PLAG1: variants seen among roughly 807,000 people sequenced by gnomAD.
The protein encoded by PLAG1 is zinc finger protein PLAG1.
A neutral mutation model predicts 35.5 loss-of-function variants in PLAG1; 7 were observed. That is an observed-to-expected ratio of 0.20 (90% CI 0.11 to 0.37). PLAG1 has a LOEUF of 0.37. Among genes scored for constraint, PLAG1 ranks in the 10% least tolerant of loss-of-function variants. The pLI, the probability that PLAG1 is intolerant of heterozygous loss-of-function variation, is 1.00. For missense variants in PLAG1, 454 were observed against 602.8 expected (o/e 0.75, Z 2.58); for synonymous variants, 229 against 225.4 (o/e 1.02, Z -0.14).
chr8:56,189,812 A>G (rs926755522), intron 1 of PLAG1, among the ~76,000 whole-genome samples: 1 of 152,188 alleles, frequency 6.6e-6, no homozygotes. Context: ...AGTGCGTCCC[A>G]GTCGGGGGAG....
At chr8:56,208,193 G>GT (rs1277134081) in intron 1 of PLAG1, among the ~76,000 whole-genome samples, 2 of 152,080 alleles carry the variant, frequency 1.3e-5, no homozygotes, top group Admixed American at 1.3e-4. Flanking sequence ...TATAGTCAAT[G>GT]TAACTGTCTT....
In PLAG1 at chr8:56,162,830, A is replaced by G. The variant is rs1244643552; in HGVS notation, c.*3413T>C. On this transcript the variant is annotated 3_prime_UTR_variant, in exon 5 of 5. Coordinates refer to ENST00000316981, the MANE Select transcript of PLAG1 (RefSeq NM_002655.3). ...CCGCTACTGTCCAAATTAACACAATATATCACTATATTCCACAAATGACTA... is the reference window on the plus strand; with the variant it reads ...CCGCTACTGTCCAAATTAACACAATGTATCACTATATTCCACAAATGACTA... The G allele has an allele frequency of 4.6e-6, 1 of 215,170 alleles. No individual in the cohort carries two copies. The allele number at this position is 215,170 out of a possible 1,614,324, so 13.3% of individuals were successfully genotyped here.
At chr8:56,176,473 CAATGG>C (rs1811699520) in intron 2 of PLAG1, among the ~76,000 whole-genome samples, 2 of 151,970 alleles carry the variant, frequency 1.3e-5, no homozygotes, top group African/African-American at 4.8e-5. Flanking sequence ...CTTAAAAATA[CAATGG>C]GTGGTACAAC....
Position 56,163,921 on chromosome 8 carries a change from GCT to G in PLAG1, c.*2320_*2321del, listed in dbSNP as rs1224270430. 1.2e-4 allele frequency: 22 copies of G among 182,794 alleles called. No individual in the cohort carries two copies. The highest frequency in any genetic ancestry group is 9.4e-4 in the Admixed American group (15 of 15,906). 11.3% of individuals were successfully genotyped at this position (182,794 alleles called of 1,614,324 possible). A position where few individuals can be genotyped will look rare whatever the true frequency, so the allele number is the denominator to read the frequency against. On this transcript the variant is annotated 3_prime_UTR_variant, in exon 5 of 5. Transcript: ENST00000316981. ...ATTTAAAAATAGGTTTTCTATTTGT[GCT>G]CTGTCACCAATTTTTTTCCTTTTAT... is the stretch of plus-strand genomic sequence containing the variant.
chr8:56,166,920 C>G lies in PLAG1; in HGVS notation c.826G>C (p.Glu276Gln), dbSNP rs765071996. ...LLPVMSLPSSELLSKPFTNTL... is the reference protein window; with the variant it reads ...LLPVMSLPSSQLLSKPFTNTL... ...TTTGTGAATGGCTTTGATAACAGTTCACTGGAAGGTAAGGACATCACCGGA... is the reference window on the plus strand; with the variant it reads ...TTTGTGAATGGCTTTGATAACAGTTGACTGGAAGGTAAGGACATCACCGGA... The change falls in exon 5 of 5, where the codon GAA (glutamate) becomes CAA (glutamine). Residue 276 changes from glutamate (E) to glutamine (Q), a missense_variant. By Grantham distance (29) the Glu-to-Gln change is conservative. Transcript: ENST00000316981. The G allele has an allele frequency of 6.2e-7, 1 of 1,614,052 alleles. No homozygotes were observed. The highest frequency in any genetic ancestry group is 2.2e-5 in the East Asian group (1 of 44,874).
chr8:56,165,673 C>T lies in PLAG1; in HGVS notation c.*570G>A. On this transcript the variant is annotated 3_prime_UTR_variant, in exon 5 of 5. Coordinates refer to ENST00000316981, the MANE Select transcript of PLAG1 (RefSeq NM_002655.3). The stretch of plus-strand genomic sequence containing the variant: ...AAAGATGGCAAATATTTTAGCCAGA[C>T]AACAGGGAGTCTTCAGAATATACTG... 2 of 197,460 alleles carry T rather than the reference C, an allele frequency of 1.0e-5. No individual in the cohort carries two copies. Among genetic ancestry groups the T allele is most frequent in the Admixed American group, 6.0e-5 (1 of 16,566 alleles). The allele number at this position is 197,460 out of a possible 1,614,324, so 12.2% of individuals were successfully genotyped here. A position where few individuals can be genotyped will look rare whatever the true frequency, so the allele number is the denominator to read the frequency against.
chr8:56,191,808 GAA>G (rs111540638), intron 1 of PLAG1, among the ~76,000 whole-genome samples: 2,486 of 110,668 alleles, frequency 0.022, 80 homozygotes, highest in African/African-American at 0.072. Flanking sequence ...TAAAACACAG[GAA>G]AAAAAAAAAA....
rs114399561 is a variant in PLAG1 at position 56,179,726 on chromosome 8, G to A, written c.-321-213C>T. On this transcript the variant is annotated intron_variant, in intron 1 of 4. Coordinates refer to ENST00000316981, the MANE Select transcript of PLAG1 (RefSeq NM_002655.3). The stretch of plus-strand genomic sequence containing the variant: ...TCCCTAGATTTATATATTTCCTCCC[G>A]AATCACAGTTATCTAGATTATTCAC... Among the ~76,000 whole-genome samples, 834 of 151,904 alleles carry A rather than the reference G, an allele frequency of 5.5e-3. 7 individuals carry two copies. The highest frequency in any genetic ancestry group is 0.018 in the African/African-American group (761 of 41,430).
chr8:56,193,826 T>G (rs1304630804), intron 1 of PLAG1, among the ~76,000 whole-genome samples: 2 of 150,112 alleles, frequency 1.3e-5, no homozygotes, highest in African/African-American at 4.9e-5. Flanking sequence ...GCCTCCCAAA[T>G]AGCTGGCACC....
intron 1 of PLAG1, among the ~76,000 whole-genome samples, chr8:56,191,480 C>A (rs990683566): frequency 6.6e-6 from 1 of 152,120 alleles, no homozygotes; most frequent in Non-Finnish European, 1.5e-5. Context: ...AAGCATTATG[C>A]AAATGTGAGG....
chr8:56,171,044 T>C (rs144341735), intron 3 of PLAG1, 47 bp downstream of exon 3: 4,337 of 368,084 alleles, frequency 0.012, 38 homozygotes, highest in Admixed American at 0.019. Flanking sequence ...TCAAATACTT[T>C]AAAGGTGCAT....
intron 1 of PLAG1, among the ~76,000 whole-genome samples, chr8:56,201,125 T>G (rs1563394242): frequency 1.3e-5 from 2 of 152,200 alleles, no homozygotes; most frequent in African/African-American, 4.8e-5. Context: ...AATTCTTTAG[T>G]AATTGGGACA....
chr8:56,192,444 G>A (rs1812213186), intron 1 of PLAG1, among the ~76,000 whole-genome samples: 1 of 152,102 alleles, frequency 6.6e-6, no homozygotes, highest in Non-Finnish European at 1.5e-5. Flanking sequence ...TAGCTTTTGA[G>A]GAATACAAAG....
Position 56,167,376 on chromosome 8 carries a change from C to T in PLAG1, c.370G>A (p.Glu124Lys), listed in dbSNP as rs771690216. 3.3e-5 allele frequency: 54 copies of T among 1,613,864 alleles called. No individual in the cohort carries two copies. Among genetic ancestry groups the T allele is most frequent in the East Asian group, 1.6e-4 (7 of 44,898 alleles). The change falls in exon 5 of 5, where the codon GAA becomes AAA. Residue 124 changes from glutamate to lysine, a missense_variant. By Grantham distance (56) the Glu-to-Lys change is moderately conservative. Transcript: ENST00000316981. The surrounding 1 kb of genome is among the most constrained non-coding windows in gnomAD (Gnocchi z 5.9). ...HDPNKETFKC[E>K]ECGKNYNTKL... ...GTATTGTAGTTCTTGCCACATTCTTCGCACTTAAACGTCTCTTTGTTAGGG... is the reference window on the plus strand; with the variant it reads ...GTATTGTAGTTCTTGCCACATTCTTTGCACTTAAACGTCTCTTTGTTAGGG...
rs961102275 is a variant in PLAG1, at chr8:56,164,161, A to G, written c.*2082T>C. 8 of 188,412 alleles carry G rather than the reference A, an allele frequency of 4.2e-5. No individual in the cohort carries two copies. The highest frequency in any genetic ancestry group is 7.0e-5 in the African/African-American group (3 of 42,786). 11.7% of individuals were successfully genotyped at this position (188,412 alleles called of 1,614,324 possible). ...TATAATTTTAATGCCTTTGGAACAC[A>G]CTTTTTTAATAAATGTAATTTTTCA... On this transcript the variant is annotated 3_prime_UTR_variant, in exon 5 of 5. Coordinates refer to ENST00000316981, the MANE Select transcript of PLAG1 (RefSeq NM_002655.3).
In PLAG1 at chr8:56,167,411, T is replaced by G; in HGVS notation, c.335A>C (p.His112Pro). 6.2e-7 allele frequency: 1 copy of G among 1,613,506 alleles called. No individual in the cohort carries two copies. Among genetic ancestry groups the G allele is most frequent in the Non-Finnish European group, 8.5e-7 (1 of 1,179,548 alleles). The change falls in exon 5 of 5, where the codon CAT becomes CCT. Residue 112 changes from histidine (H) to proline (P), a missense_variant. Coordinates refer to ENST00000316981, the MANE Select transcript of PLAG1 (RefSeq NM_002655.3). This position sits in a 1 kb window ranked among gnomAD's most constrained non-coding sequence, Gnocchi z 5.9. ...HRKDHLKNHL[H>P]THDPNKETFK... ...CGTCTCTTTGTTAGGGTCGTGTGTATGGAGGTGATTCTTCAGATGATCTTT... is the reference window on the plus strand; with the variant it reads ...CGTCTCTTTGTTAGGGTCGTGTGTAGGGAGGTGATTCTTCAGATGATCTTT...
intron 1 of PLAG1, among the ~76,000 whole-genome samples, chr8:56,206,269 T>A (rs529395171): frequency 2.0e-5 from 3 of 151,962 alleles, no homozygotes; most frequent in Non-Finnish European, 4.4e-5. Flanking sequence ...GATTTAAAAG[T>A]AAAAATCAAA....
intron 1 of PLAG1, among the ~76,000 whole-genome samples, chr8:56,205,210 T>G (rs1306662750): frequency 6.6e-6 from 1 of 151,922 alleles, no homozygotes; most frequent in East Asian, 1.9e-4. Flanking sequence ...ACTTAAAGTT[T>G]TAAACTTTCT....
intron 1 of PLAG1, among the ~76,000 whole-genome samples, chr8:56,190,060 T>C (rs537915025): frequency 2.6e-5 from 4 of 152,288 alleles, no homozygotes; most frequent in South Asian, 2.1e-4. Context: ...GTGGACTAGC[T>C]CTCGGCCTTG....
Sources: gnomAD v4.1 joint callset for allele counts (sites outside exome capture counted in the v4.1 genomes callset) on GRCh38, gnomAD v4.1.1 for gene constraint, Gnocchi (gnomAD v3.1) non-coding constraint, MANE v1.5 for transcripts, NCBI Gene and HGNC (gene_info 2026-07-23, HGNC 2026-07-21) for gene names.